The following FGD5 variants were observed in gnomAD, a reference collection of about 807,000 sequenced individuals.
FGD5 encodes FYVE, RhoGEF and PH domain containing 5.
A neutral mutation model predicts 133.4 loss-of-function variants in FGD5; 28 were observed. The ratio of observed to expected loss-of-function variants is 0.21; its 90% CI spans 0.16 to 0.29. The LOEUF (loss-of-function observed/expected upper bound fraction) is 0.29, where lower values mean the gene tolerates loss of function less well. Ranked by LOEUF, FGD5 falls within the 10% of genes least tolerant of loss-of-function variation. The pLI is 1.00. For synonymous variants in FGD5, 810 were observed against 776.5 expected, an observed-to-expected ratio of 1.04 and a Z score of -0.72; for missense variants, 1,858 against 1,895.2, an observed-to-expected ratio of 0.98 and a Z score of 0.36.
chr3:14,811,437 C>T (rs376576198), intron 1 of FGD5: 1 of 152,276 alleles, frequency 6.6e-6, no homozygotes, highest in South Asian at 2.1e-4. Context: ...ACTAAAAAGC[C>T]CTAAATTAAT....
At chr3:14,904,915 A>G (rs2038309545) in intron 9 of FGD5, among the ~76,000 whole-genome samples, 4 of 152,124 alleles carry the variant, frequency 2.6e-5, no homozygotes, top group Admixed American at 2.6e-4. Context: ...CAGCCTTCCA[A>G]ACTGCTGGGA....
At chr3:14,871,674 C>T (rs1229418711) in intron 2 of FGD5, among the ~76,000 whole-genome samples, 1 of 152,176 alleles carries the variant, frequency 6.6e-6, no homozygotes, top group African/African-American at 2.4e-5. Context: ...ACGTGTATGC[C>T]TCACACGCCT....
At chr3:14,839,962 AAACAGT>A (rs2036887499) in intron 1 of FGD5, among the ~76,000 whole-genome samples, 1 of 151,450 alleles carries the variant, frequency 6.6e-6, no homozygotes, top group South Asian at 2.1e-4. Flanking sequence ...ACAAACAAAC[AAACAGT>A]GTTTTACAAA....
At chr3:14,848,256 C>T (rs56114613) in intron 1 of FGD5, among the ~76,000 whole-genome samples, 130 of 152,246 alleles carry the variant, frequency 8.5e-4, no homozygotes, top group Non-Finnish European at 1.2e-3. Context: ...TCCTGGGCAG[C>T]CCTGCCCTTC....
Position 14,917,113 on chromosome 3 carries a change from G to GT in FGD5, c.3406-131dup. On this transcript the variant is annotated intron_variant, in intron 11 of 19. Coordinates refer to ENST00000285046, the MANE Select transcript of FGD5 (RefSeq NM_152536.4). The surrounding 1 kb of genome is among the most constrained non-coding windows in gnomAD (Gnocchi z 4.1). Reference sequence around the variant, plus strand: ...AAGGGGCTCACATTTTGGCCGCAACGTTTTTGCTCACCTGTGGGGGTTACT... The same window carrying GT: ...AAGGGGCTCACATTTTGGCCGCAACGTTTTTTGCTCACCTGTGGGGGTTACT... The GT allele has an allele frequency of 1.5e-6, 1 of 666,426 alleles. No individual in the cohort carries two copies. The highest frequency in any genetic ancestry group is 2.5e-6 in the Non-Finnish European group (1 of 407,934). 41.3% of individuals were successfully genotyped at this position (666,426 alleles called of 1,614,324 possible).
chr3:14,919,175 A>T (rs141570183), intron 13 of FGD5, among the ~76,000 whole-genome samples: 3,254 of 152,296 alleles, frequency 0.021, 60 homozygotes, highest in South Asian at 0.032. Flanking sequence ...AGTTAAGGCC[A>T]GTAAAAAATG....
rs369323511 is a variant in FGD5 at position 14,885,771 on chromosome 3, C to G, written c.2748+4999C>G. ...TGGAAGTCCTATAGCACCACTTCCA[C>G]CATACCCTATGAGTTAAGACAGTCA... On this transcript the variant is annotated intron_variant, in intron 4 of 19. Transcript: ENST00000285046. Among the ~76,000 whole-genome samples the G allele has an allele frequency of 1.8e-4, 27 of 152,268 alleles. No individual in the cohort carries two copies. In the South Asian group the frequency reaches 5.6e-3, roughly 32 times the overall value.
intron 11 of FGD5, 43 bp downstream of exon 11, chr3:14,910,972 T>A: frequency 6.3e-7 from 1 of 1,578,266 alleles, no homozygotes. Context: ...ACTGCCAAGT[T>A]CTATGAGGTT....
intron 2 of FGD5, among the ~76,000 whole-genome samples, chr3:14,872,096 CTA>C (rs943405667): frequency 2.2e-4 from 34 of 152,352 alleles, no homozygotes; most frequent in African/African-American, 8.2e-4. Flanking sequence ...ATCACCCAGT[CTA>C]TGTGGAGCAC....
At chr3:14,919,491 A>G (rs140249128) in intron 13 of FGD5, among the ~76,000 whole-genome samples, 65,380 of 151,422 alleles carry the variant, frequency 0.43, 15,134 homozygotes, top group South Asian at 0.59. Flanking sequence ...GGTGGCAGGC[A>G]CCTGTAGTCG....
At chr3:14,874,935 C>A (rs1233255189) in intron 2 of FGD5, among the ~76,000 whole-genome samples, 1 of 152,168 alleles carries the variant, frequency 6.6e-6, no homozygotes, top group Non-Finnish European at 1.5e-5. Flanking sequence ...CTTCTCCCCT[C>A]GCTTGTCCTG....
chr3:14,877,345 C>A (rs549109391), intron 2 of FGD5, among the ~76,000 whole-genome samples: 1 of 152,186 alleles, frequency 6.6e-6, no homozygotes, highest in Non-Finnish European at 1.5e-5. Context: ...AGAATCTGCA[C>A]GTCTGGCAGG....
chr3:14,840,289 C>T (rs984989836), intron 1 of FGD5, among the ~76,000 whole-genome samples: 2 of 152,048 alleles, frequency 1.3e-5, no homozygotes, highest in East Asian at 1.9e-4. Flanking sequence ...GGATTACAGG[C>T]GTGTGCCACC....
intron 12 of FGD5, 65 bp from the exon 13 acceptor site, chr3:14,918,689 G>A: frequency 6.6e-7 from 1 of 1,523,234 alleles, no homozygotes; most frequent in South Asian, 1.1e-5. Context: ...CTGCTGCCAG[G>A]AGAAGCCGGT....
chr3:14,838,303 A>T (rs1054764120), intron 1 of FGD5, among the ~76,000 whole-genome samples: 2 of 152,002 alleles, frequency 1.3e-5, no homozygotes, highest in African/African-American at 4.8e-5. Context: ...GCTTCTAAGG[A>T]CCTGTGTGAT....
chr3:14,882,443 A>G (rs1346689489), intron 4 of FGD5: 1 of 738,652 alleles, frequency 1.4e-6, no homozygotes, highest in Non-Finnish European at 1.7e-6. Context: ...CATGCCTGTA[A>G]TCTCAGCACT....
At chr3:14,926,416 G>A (rs1158453067) in intron 18 of FGD5, among the ~76,000 whole-genome samples, 1 of 152,204 alleles carries the variant, frequency 6.6e-6, no homozygotes. Context: ...CAGTTTCTTT[G>A]TGGATATAAG....
chr3:14,866,759 G>T (rs4685221), intron 2 of FGD5, among the ~76,000 whole-genome samples: 2 of 152,098 alleles, frequency 1.3e-5, no homozygotes, highest in African/African-American at 4.8e-5. Context: ...CCCAAGTTCA[G>T]CCGGGACTCA....
intron 1 of FGD5, among the ~76,000 whole-genome samples, chr3:14,835,038 C>T (rs2036789037): frequency 6.6e-6 from 1 of 152,198 alleles, no homozygotes; most frequent in Non-Finnish European, 1.5e-5. Flanking sequence ...AGGAGGCAAA[C>T]AGACAGTCCG....
Sources: gnomAD v4.1 joint callset for allele counts (sites outside exome capture counted in the v4.1 genomes callset) on GRCh38, gnomAD v4.1.1 for gene constraint, Gnocchi (gnomAD v3.1) non-coding constraint, MANE v1.5 for transcripts, NCBI Gene and HGNC (gene_info 2026-07-23, HGNC 2026-07-21) for gene names.